The following PCDHGA7 variants were observed in gnomAD, a reference collection of about 807,000 sequenced individuals.
The protein encoded by PCDHGA7 is protocadherin gamma subfamily A, 7, also known as protocadherin gamma-A7.
Under a neutral mutation model 58.3 loss-of-function variants are expected in PCDHGA7, and 44 were observed. The ratio of observed to expected loss-of-function variants is 0.75; its 90% CI spans 0.59 to 0.97. The LOEUF (loss-of-function observed/expected upper bound fraction) is 0.97, where lower values mean the gene tolerates loss of function less well. Among genes scored for constraint, PCDHGA7 ranks in the 50% least tolerant of loss-of-function variants. The probability of loss-of-function intolerance (pLI) is 0.00; values close to 1 mark genes in which losing one functional copy is unlikely to be tolerated. For synonymous variants in PCDHGA7, 516 were observed against 504.2 expected, an observed-to-expected ratio of 1.02 and a Z score of -0.31; for missense variants, 1,266 against 1,188.7, an observed-to-expected ratio of 1.06 and a Z score of -0.96.
At position 141,408,449 on chromosome 5, in the gene PCDHGA7, G is replaced by C. The variant is rs1561713163; in HGVS notation, c.2424+23126G>C. On this transcript the variant is annotated intron_variant, in intron 1 of 3. Coordinates refer to ENST00000518325, the MANE Select transcript of PCDHGA7 (RefSeq NM_018920.4). Reference sequence around the variant, plus strand: ...CTTCAGCGTAGACGCGGAGAGCGGGGACTTACTTGTGAAGAACCGAATAGA... The same window carrying C: ...CTTCAGCGTAGACGCGGAGAGCGGGCACTTACTTGTGAAGAACCGAATAGA... The C allele has an allele frequency of 1.9e-6, 3 of 1,613,966 alleles. No individual in the cohort carries two copies. In the Admixed American group the frequency reaches 5.0e-5, roughly 27 times the overall value.
intron 1 of PCDHGA7, among the ~76,000 whole-genome samples, chr5:141,480,386 A>G (rs966068994): frequency 6.6e-6 from 1 of 151,826 alleles, no homozygotes; most frequent in Non-Finnish European, 1.5e-5. Context: ...CTACACTTCA[A>G]CCATGGCAAT....
chr5:141,409,462 C>T (rs377705841), intron 1 of PCDHGA7: 3 of 1,613,988 alleles, frequency 1.9e-6, no homozygotes, highest in Non-Finnish European at 2.5e-6. Flanking sequence ...AATACAATGT[C>T]ACCATCGTAG....
In PCDHGA7 at chr5:141,490,498, T is replaced by C. The variant is rs544031284; in HGVS notation, c.2425-4309T>C. On this transcript the variant is annotated intron_variant, in intron 1 of 3. Coordinates refer to ENST00000518325, the MANE Select transcript of PCDHGA7 (RefSeq NM_018920.4). This position sits in a 1 kb window ranked among gnomAD's most constrained non-coding sequence, Gnocchi z 5.4. ...TTTGGACCGGGAGGCCACATCCCAC[T>C]ATATCATCGAGCTGCTGGCCAGCGA... 1.2e-6 allele frequency: 2 copies of C among 1,614,132 alleles called. No individual in the cohort carries two copies. Among genetic ancestry groups the C allele is most frequent in the African/African-American group, 1.3e-5 (1 of 75,038 alleles).
At chr5:141,433,103 C>T (rs762225174) in intron 1 of PCDHGA7, 3 of 1,614,126 alleles carry the variant, frequency 1.9e-6, no homozygotes, top group Non-Finnish European at 2.5e-6. Flanking sequence ...GCTCGTCAGC[C>T]AGGAGAGCTT....
At chr5:141,430,100 C>T (rs6874907) in intron 1 of PCDHGA7, among the ~76,000 whole-genome samples, 7,606 of 152,160 alleles carry the variant, frequency 0.05, 372 homozygotes, top group African/African-American at 0.13. Context: ...GATTTTTAAG[C>T]GTTACATGTC....
intron 1 of PCDHGA7, among the ~76,000 whole-genome samples, chr5:141,464,263 T>TA (rs35224477): frequency 7.1e-4 from 74 of 103,538 alleles, no homozygotes; most frequent in East Asian, 1.9e-3. Flanking sequence ...AGACTCCGTC[T>TA]AAAAAAAAAA....
Position 141,476,292 on chromosome 5 carries a change from G to A in PCDHGA7, c.2425-18515G>A. The A allele has an allele frequency of 1.9e-6, 3 of 1,614,144 alleles. No homozygotes were observed. The highest frequency in any genetic ancestry group is 2.5e-6 in the Non-Finnish European group (3 of 1,180,016). On this transcript the variant is annotated intron_variant, in intron 1 of 3. Transcript: ENST00000518325. This position sits in a 1 kb window ranked among gnomAD's most constrained non-coding sequence, Gnocchi z 7.6. ...GTCGCGAACCTTGGTTTGGATCTCGGTAGCCTCTCAGCCCGCAGGTTCCGG... is the reference window on the plus strand; with the variant it reads ...GTCGCGAACCTTGGTTTGGATCTCGATAGCCTCTCAGCCCGCAGGTTCCGG...
At chr5:141,415,036 T>C (rs772612744) in intron 1 of PCDHGA7, 1 of 1,613,526 alleles carries the variant, frequency 6.2e-7, no homozygotes, top group Admixed American at 1.7e-5. Context: ...GCCGGGACTC[T>C]TCGCGGTGGG....
At chr5:141,429,387 T>A (rs372199649) in intron 1 of PCDHGA7, among the ~76,000 whole-genome samples, 4,783 of 151,430 alleles carry the variant, frequency 0.032, 106 homozygotes, top group African/African-American at 0.043. Context: ...GTTTTTTTTT[T>A]AAAAAAAATT....
chr5:141,492,072 C>G (rs2099736816), intron 1 of PCDHGA7: 2 of 480,040 alleles, frequency 4.2e-6, no homozygotes, highest in East Asian at 3.3e-5. Context: ...TCCTAGGCGC[C>G]GGCTCCGGCA....
intron 1 of PCDHGA7, chr5:141,426,995 C>A (rs772977735): frequency 2.2e-6 from 1 of 456,694 alleles, no homozygotes; most frequent in South Asian, 1.5e-5. Context: ...ACGATAATGC[C>A]CCAGTTTTTA....
At chr5:141,463,438 C>CTTTTTTT (rs71576115) in intron 1 of PCDHGA7, among the ~76,000 whole-genome samples, 6 of 103,252 alleles carry the variant, frequency 5.8e-5, no homozygotes, top group African/African-American at 1.3e-4. Flanking sequence ...TTTCCTTCTC[C>CTTTTTTT]TTTTTTTTTT....
chr5:141,412,416 G>A (rs897228706), intron 1 of PCDHGA7: 1 of 152,162 alleles, frequency 6.6e-6, no homozygotes, highest in Non-Finnish European at 1.5e-5. Flanking sequence ...GATAAAGTAT[G>A]TTTTACACAA....
At chr5:141,409,712 T>C (rs1049603081) in intron 1 of PCDHGA7, 5 of 1,613,122 alleles carry the variant, frequency 3.1e-6, no homozygotes, top group Non-Finnish European at 4.2e-6. Flanking sequence ...GGTGTCGTCA[T>C]ACGTGTCAGT....
rs1248104988 is a variant in PCDHGA7, at chr5:141,409,585, G to A, written c.2424+24262G>A. 3.1e-6 allele frequency: 5 copies of A among 1,613,912 alleles called. No individual in the cohort carries two copies. The Admixed American group carries it at 5.0e-5, about 16-fold the overall frequency. ...ACCAGACGTCCTACGTGGTCCACGT[G>A]GCCGAGAACAACCCGCCAGGAGCCT... On this transcript the variant is annotated intron_variant, in intron 1 of 3. Coordinates refer to ENST00000518325, the MANE Select transcript of PCDHGA7 (RefSeq NM_018920.4).
rs376395066 is a variant in PCDHGA7 at position 141,490,681 on chromosome 5, C to G, written c.2425-4126C>G. On this transcript the variant is annotated intron_variant, in intron 1 of 3. Transcript: ENST00000518325. The surrounding 1 kb of genome is among the most constrained non-coding windows in gnomAD (Gnocchi z 5.4). ...TCTTTGCACTGTGGCTGCCTCAGATCCAGACACTGGGGATAATGCCCGCCT... is the reference window on the plus strand; with the variant it reads ...TCTTTGCACTGTGGCTGCCTCAGATGCAGACACTGGGGATAATGCCCGCCT... 2.5e-6 allele frequency: 4 copies of G among 1,613,998 alleles called. No homozygotes were observed. In the African/African-American group the frequency reaches 4.0e-5, roughly 16 times the overall value.
At chr5:141,419,686 G>T (rs551990092) in intron 1 of PCDHGA7, 2 of 1,612,878 alleles carry the variant, frequency 1.2e-6, no homozygotes, top group South Asian at 1.1e-5. Flanking sequence ...ACCACGTGGT[G>T]CAGGCCAGTG....
intron 1 of PCDHGA7, chr5:141,391,218 T>A (rs1486850229): frequency 1.3e-5 from 2 of 152,172 alleles, no homozygotes; most frequent in South Asian, 2.1e-4. Flanking sequence ...AGGAACATTA[T>A]ATGAGCCTTT....
chr5:141,399,909 A>G (rs1181363803), intron 1 of PCDHGA7: 6 of 1,612,410 alleles, frequency 3.7e-6, no homozygotes, highest in East Asian at 4.5e-5. Flanking sequence ...ACGCAGACTC[A>G]GGACACAACG....
Sources: gnomAD v4.1 joint callset for allele counts (sites outside exome capture counted in the v4.1 genomes callset) on GRCh38, gnomAD v4.1.1 for gene constraint, Gnocchi (gnomAD v3.1) non-coding constraint, MANE v1.5 for transcripts, NCBI Gene and HGNC (gene_info 2026-07-23, HGNC 2026-07-21) for gene names.